The following ZDHHC11 variants were observed in gnomAD, a reference collection of about 807,000 sequenced individuals.
ZDHHC11 encodes the protein zDHHC palmitoyltransferase 11, also known as palmitoyltransferase ZDHHC11.
A neutral mutation model predicts 51.3 loss-of-function variants in ZDHHC11; 44 were observed. The ratio of observed to expected loss-of-function variants is 0.86; its 90% CI spans 0.67 to 1.10. The LOEUF (loss-of-function observed/expected upper bound fraction) is 1.10. ZDHHC11 is among the 50% of genes least tolerant of loss of function. The pLI is 0.00. For missense variants in ZDHHC11, 400 were observed against 537.7 expected (o/e 0.74, Z 2.53); for synonymous variants, 163 against 222.0 (o/e 0.73, Z 2.36).
chr5:845,043 C>G (rs11741948), intron 3 of ZDHHC11, among the ~76,000 whole-genome samples: 2 of 145,402 alleles, frequency 1.4e-5, no homozygotes, highest in Non-Finnish European at 3.1e-5. Context: ...CAACTGGAGG[C>G]CAGAGCATGA....
chr5:819,716 C>T lies in ZDHHC11; in HGVS notation c.1059-104G>A, dbSNP rs775123008. ...TCCTGTAAGCACCACTGCAGTGGGG[C>T]CCATGTGTCTCAGAAACTGGAGACC... On this transcript the variant is annotated intron_variant, in intron 9 of 12. Coordinates refer to ENST00000283441, the MANE Select transcript of ZDHHC11 (RefSeq NM_024786.3). 7.0e-5 allele frequency: 85 copies of T among 1,209,868 alleles called. 1 individual carries two copies. Among genetic ancestry groups the T allele is most frequent in the Non-Finnish European group, 1.0e-4 (83 of 832,210 alleles). 74.9% of individuals were successfully genotyped at this position (1,209,868 alleles called of 1,614,324 possible).
rs1191430526 is a variant in ZDHHC11 at position 850,540 on chromosome 5, C to G, written c.63G>C (p.Lys21Asn). Residue 21 changes from lysine (K) to asparagine (N), a missense_variant, in exon 1 of 13, where the codon AAG becomes AAC. By Grantham distance (94) the Lys-to-Asn change is moderately conservative (BLOSUM62 0). Transcript: ENST00000283441. ...VTPEAILNNE[K>N]LVLPPRISRV... The stretch of plus-strand genomic sequence containing the variant: ...TGGAGATGCGGGGCGGCAAGACCAG[C>G]TTTTCATTATTGAGTATGGCTTCTG... The G allele has an allele frequency of 1.2e-6, 2 of 1,613,786 alleles. No homozygotes were observed. The highest frequency in any genetic ancestry group is 1.3e-5 in the African/African-American group (1 of 75,042).
chr5:849,731 C>T (rs1007279496), intron 1 of ZDHHC11: 4 of 152,722 alleles, frequency 2.6e-5, no homozygotes, highest in African/African-American at 9.7e-5. Flanking sequence ...TCCTTGTCCC[C>T]TGGAGCCAGG....
At chr5:859,625 G>A (rs919491888), upstream of ZDHHC11, among the ~76,000 whole-genome samples, 1 of 152,134 alleles carries the variant, frequency 6.6e-6, no homozygotes, top group African/African-American at 2.4e-5. Flanking sequence ...TCGTAGTCTC[G>A]CGAGTGCAGG....
chr5:849,993 T>C lies in ZDHHC11; in HGVS notation c.222+388A>G, dbSNP rs1307006210. On this transcript the variant is annotated intron_variant, in intron 1 of 12. Transcript: ENST00000283441. Reference sequence around the variant, plus strand: ...CTAAGCTTGGCATGGAAACGCAGGCTGCCGACCTGCGGGGCATGGCGCTGT... The same window carrying C: ...CTAAGCTTGGCATGGAAACGCAGGCCGCCGACCTGCGGGGCATGGCGCTGT... 3.3e-5 allele frequency among the ~76,000 whole-genome samples: 5 copies of C among 152,352 alleles called. No homozygotes were observed. The South Asian group carries it at 8.3e-4, about 25-fold the overall frequency.
chr5:815,096 C>G (rs989447869), intron 10 of ZDHHC11, among the ~76,000 whole-genome samples: 2 of 151,330 alleles, frequency 1.3e-5, no homozygotes, highest in African/African-American at 4.8e-5. Flanking sequence ...GATGAGGCTA[C>G]TAGAGTGAGC....
At chr5:858,768 C>G (rs374528960) in intron 1 of ZDHHC11, among the ~76,000 whole-genome samples, 2 of 152,024 alleles carry the variant, frequency 1.3e-5, no homozygotes, top group Non-Finnish European at 2.9e-5. Flanking sequence ...CAGCCTGAGT[C>G]CCGGACAGTC....
At position 804,732 on chromosome 5, in the gene ZDHHC11, T is replaced by G. The variant is rs112242897; in HGVS notation, c.1182-3568A>C. Among the ~76,000 whole-genome samples, 41 of 151,402 alleles carry G rather than the reference T, an allele frequency of 2.7e-4. 1 individual carries two copies. Among genetic ancestry groups the G allele is most frequent in the African/African-American group, 7.5e-4 (31 of 41,270 alleles). On this transcript the variant is annotated intron_variant, in intron 11 of 12. Coordinates refer to ENST00000283441, the MANE Select transcript of ZDHHC11 (RefSeq NM_024786.3). ...TGCCCTGGAAGGTGGAAAATACCTGTCAACCAAGAATTCTATATGTGACAA... is the reference window on the plus strand; with the variant it reads ...TGCCCTGGAAGGTGGAAAATACCTGGCAACCAAGAATTCTATATGTGACAA...
chr5:859,633 AG>A (rs930839025), upstream of ZDHHC11, among the ~76,000 whole-genome samples: 1 of 152,178 alleles, frequency 6.6e-6, no homozygotes, highest in African/African-American at 2.4e-5. Context: ...TCGCGAGTGC[AG>A]GGAGTCTCAG....
At chr5:841,891 T>A (rs1184822228) in intron 4 of ZDHHC11, 7 of 989,346 alleles carry the variant, frequency 7.1e-6, no homozygotes, top group Non-Finnish European at 8.4e-6. Context: ...TGACAGACCC[T>A]CTCTGGAACT....
intron 8 of ZDHHC11, chr5:824,230 C>A (rs1447811760): frequency 2.9e-6 from 1 of 344,234 alleles, no homozygotes; most frequent in African/African-American, 2.1e-5. Context: ...AGGCTGAGGT[C>A]AAGGAATCAC....
rs3747732 is a variant in ZDHHC11 at position 850,952 on chromosome 5, C to A, written c.-350G>T. The A allele has an allele frequency of 0.057, 21,009 of 367,820 alleles. 2,602 individuals are homozygous for A. Among genetic ancestry groups the A allele is most frequent in the African/African-American group, 0.31 (14,719 of 47,994 alleles). 22.8% of individuals were successfully genotyped at this position (367,820 alleles called of 1,614,324 possible). ...TTACGTTCTGGGGAGTGCTCGACAG[C>A]CCCCACACAGCGACAGGTCCCACAA... On this transcript the variant is annotated 5_prime_UTR_variant, in exon 1 of 13. Transcript: ENST00000283441.
intron 11 of ZDHHC11, among the ~76,000 whole-genome samples, chr5:808,868 T>G (rs1398516537): frequency 6.8e-6 from 1 of 146,522 alleles, no homozygotes; most frequent in Non-Finnish European, 1.5e-5. Context: ...TGGCTAATCC[T>G]TTTGTATTTT....
chr5:812,329 AAC>A (rs1740197700), intron 11 of ZDHHC11, among the ~76,000 whole-genome samples: 1 of 152,016 alleles, frequency 6.6e-6, no homozygotes, highest in South Asian at 2.1e-4. Flanking sequence ...ATACGTTGGA[AAC>A]ACACAGATCA....
chr5:825,041 C>T (rs2001272), intron 8 of ZDHHC11, 123 bp downstream of exon 8: 15 of 954,942 alleles, frequency 1.6e-5, no homozygotes, highest in African/African-American at 9.2e-5. Flanking sequence ...ATGTGAGCAG[C>T]ACCATTGGAC....
At chr5:839,632 G>A (rs1744442356) in intron 5 of ZDHHC11, 1 of 150,012 alleles carries the variant, frequency 6.7e-6, no homozygotes, top group African/African-American at 2.4e-5. Context: ...GGAGGCTCTT[G>A]GTGGGGTGTG....
chr5:814,940 G>A, intron 10 of ZDHHC11, 145 bp from the exon 11 acceptor site: 1 of 831,852 alleles, frequency 1.2e-6, no homozygotes, highest in African/African-American at 1.7e-5. Flanking sequence ...GGATCTCAGT[G>A]GTGACACAGC....
chr5:800,145 AG>A (rs1293384086), intron 12 of ZDHHC11, among the ~76,000 whole-genome samples: 1 of 151,192 alleles, frequency 6.6e-6, no homozygotes, highest in African/African-American at 2.4e-5. Context: ...GACCTTCCTC[AG>A]GGCTCTATGG....
In ZDHHC11 at chr5:833,779, G is replaced by A; in HGVS notation, c.929C>T (p.Ala310Val). Residue 310 changes from alanine to valine, a missense_variant, in exon 7 of 13, where the codon GCA (alanine) becomes GTA (valine). By Grantham distance (64) the Ala-to-Val change is moderately conservative. Coordinates refer to ENST00000283441, the MANE Select transcript of ZDHHC11 (RefSeq NM_024786.3). ...CAGGAAGCTTGCAACTTACCCCTGTGCAGATGAGCCCAGGGCGCCAGCTCC... is the reference window on the plus strand; with the variant it reads ...CAGGAAGCTTGCAACTTACCCCTGTACAGATGAGCCCAGGGCGCCAGCTCC... Reference protein sequence around the residue: ...QQGAGALGSSAQGVKAKSSLL... With the variant: ...QQGAGALGSSVQGVKAKSSLL... The A allele has an allele frequency of 2.6e-6, 4 of 1,535,164 alleles. No individual in the cohort carries two copies. The highest frequency in any genetic ancestry group is 3.6e-6 in the Non-Finnish European group (4 of 1,111,642).
Sources: allele counts gnomAD v4.1 joint callset (sites outside exome capture counted in the v4.1 genomes callset), GRCh38; gene constraint gnomAD v4.1.1; transcripts MANE v1.5; gene names NCBI Gene and HGNC (gene_info 2026-07-23, HGNC 2026-07-21).